Variants in ZFHX3 observed in about 807,000 individuals in gnomAD.
ZFHX3 encodes zinc finger homeobox 3, also known as zinc finger homeobox protein 3.
Under a neutral mutation model 279.1 loss-of-function variants are expected in ZFHX3, and 42 were observed. The observed-to-expected ratio is 0.15, with a 90% CI of 0.12 to 0.19. ZFHX3 has a LOEUF of 0.19. ZFHX3 is among the 10% of genes least tolerant of loss of function. The pLI is 1.00. For missense variants in ZFHX3, 4,981 were observed against 4,754.0 expected (o/e 1.05, Z -1.40); for synonymous variants, 2,293 against 1,957.8 (o/e 1.17, Z -4.52).
At chr16:73,103,483 G>A (rs1383961464) in intron 7 of ZFHX3, among the ~76,000 whole-genome samples, 1 of 152,122 alleles carries the variant, frequency 6.6e-6, no homozygotes, top group Non-Finnish European at 1.5e-5. Context: ...TGCTTGGCGA[G>A]AATTAATTAC....
intron 3 of ZFHX3, among the ~76,000 whole-genome samples, chr16:73,332,801 C>T (rs1441135722): frequency 6.6e-6 from 1 of 152,162 alleles, no homozygotes; most frequent in Non-Finnish European, 1.5e-5. Context: ...GAACGTACTC[C>T]ATGCAACAAG....
chr16:73,838,530 A>G lies in ZFHX3; in HGVS notation c.-1608+53121T>C, dbSNP rs569399081. On this transcript the variant is annotated intron_variant, in intron 1 of 17. Coordinates refer to the ZFHX3 transcript ENST00000641206. Reference sequence around the variant, plus strand: ...TTCAATGAATACTAATATAGCTTCCAGATAGCCAAAAAACATAAGTTTGAA... The same window carrying G: ...TTCAATGAATACTAATATAGCTTCCGGATAGCCAAAAAACATAAGTTTGAA... Among the ~76,000 whole-genome samples the G allele has an allele frequency of 1.7e-4, 26 of 152,322 alleles. No homozygotes were observed. The East Asian group carries it at 4.1e-3, about 24-fold the overall frequency.
chr16:72,909,503 A>AT, intron 3 of ZFHX3, among the ~76,000 whole-genome samples: 1 of 152,150 alleles, frequency 6.6e-6, no homozygotes. Context: ...TAAAGGGAAC[A>AT]TATACATTAT....
chr16:73,431,668 T>G (rs1416058906), intron 3 of ZFHX3, among the ~76,000 whole-genome samples: 1 of 152,260 alleles, frequency 6.6e-6, no homozygotes, highest in African/African-American at 2.4e-5. Flanking sequence ...AATAATGATG[T>G]AATGAATATC....
intron 4 of ZFHX3, among the ~76,000 whole-genome samples, chr16:73,317,018 A>C (rs1038450233): frequency 5.3e-5 from 8 of 152,148 alleles, no homozygotes; most frequent in Non-Finnish European, 1.0e-4. Flanking sequence ...GAGACTAGCC[A>C]GGCCTCTTTT....
intron 4 of ZFHX3, among the ~76,000 whole-genome samples, chr16:73,269,997 C>G (rs1334474018): frequency 1.3e-5 from 2 of 152,136 alleles, no homozygotes; most frequent in African/African-American, 4.8e-5. Context: ...ATCCACTCAC[C>G]TCGGGCTTCC....
At chr16:73,659,639 G>A (rs1376661298) in intron 2 of ZFHX3, among the ~76,000 whole-genome samples, 2 of 152,012 alleles carry the variant, frequency 1.3e-5, no homozygotes, top group Non-Finnish European at 2.9e-5. Flanking sequence ...TAGTTAACTG[G>A]ATACACAAAT....
At chr16:72,948,553 C>T (rs779986622) in intron 3 of ZFHX3, among the ~76,000 whole-genome samples, 4 of 152,176 alleles carry the variant, frequency 2.6e-5, no homozygotes, top group Non-Finnish European at 4.4e-5. Context: ...CCGCCGAGTT[C>T]CAGGCCCGTA....
chr16:73,852,477 G>A (rs1961615814), intron 1 of ZFHX3, among the ~76,000 whole-genome samples: 1 of 152,240 alleles, frequency 6.6e-6, no homozygotes, highest in Non-Finnish European at 1.5e-5. Flanking sequence ...ACATGAATGG[G>A]TAGGTTATAT....
At chr16:73,317,406 C>G (rs1375980053) in intron 4 of ZFHX3, among the ~76,000 whole-genome samples, 1 of 152,174 alleles carries the variant, frequency 6.6e-6, no homozygotes, top group Non-Finnish European at 1.5e-5. Context: ...GCCCTTCCCC[C>G]ACTCTAAGTT....
intron 2 of ZFHX3, among the ~76,000 whole-genome samples, chr16:73,474,439 G>A (rs938503473): frequency 6.6e-6 from 1 of 152,150 alleles, no homozygotes; most frequent in Admixed American, 6.5e-5. Flanking sequence ...ATGAGCCACC[G>A]CACCCAGCCT....
intron 5 of ZFHX3, among the ~76,000 whole-genome samples, chr16:72,828,158 G>T (rs1215466554): frequency 6.6e-6 from 1 of 152,132 alleles, no homozygotes. Context: ...GAACAGTCAT[G>T]CCTGGAAAAG....
At chr16:73,844,055 A>T (rs1961382991) in intron 1 of ZFHX3, among the ~76,000 whole-genome samples, 1 of 152,240 alleles carries the variant, frequency 6.6e-6, no homozygotes, top group Non-Finnish European at 1.5e-5. Context: ...TGTAACCCAG[A>T]AACCCTTCAG....
intron 4 of ZFHX3, among the ~76,000 whole-genome samples, chr16:72,861,182 C>A (rs903290279): frequency 3.3e-5 from 5 of 152,248 alleles, no homozygotes; most frequent in Non-Finnish European, 7.3e-5. Context: ...CCTACAGCCA[C>A]TGGGCTGTCT....
chr16:72,890,546 C>T (rs1340998725), intron 3 of ZFHX3, among the ~76,000 whole-genome samples: 10 of 149,472 alleles, frequency 6.7e-5, no homozygotes, highest in Admixed American at 4.0e-4. Flanking sequence ...TCTAGCAGTT[C>T]TTTGAAAAAA....
intron 7 of ZFHX3, among the ~76,000 whole-genome samples, chr16:73,110,533 T>C (rs1966360290): frequency 6.6e-6 from 1 of 152,188 alleles, no homozygotes; most frequent in South Asian, 2.1e-4. Context: ...AAAATTTCCA[T>C]ACACTCTTTA....
At chr16:73,273,350 GAA>G (rs2014204201) in intron 4 of ZFHX3, among the ~76,000 whole-genome samples, 1 of 152,118 alleles carries the variant, frequency 6.6e-6, no homozygotes, top group Admixed American at 6.5e-5. Flanking sequence ...TGTTGGATAT[GAA>G]AATAAAAAGC....
At chr16:73,848,752 C>A (rs1961515573) in intron 1 of ZFHX3, among the ~76,000 whole-genome samples, 2 of 152,206 alleles carry the variant, frequency 1.3e-5, no homozygotes, top group African/African-American at 4.8e-5. Context: ...GGTGACGGAA[C>A]TTAGTACATC....
At chr16:72,849,046 A>C (rs189941969) in intron 4 of ZFHX3, among the ~76,000 whole-genome samples, 2 of 151,856 alleles carry the variant, frequency 1.3e-5, no homozygotes, top group African/African-American at 4.8e-5. Context: ...CGTCTAGCAA[A>C]ATTTTTCTTC....
Sources: gnomAD v4.1 joint callset for allele counts (sites outside exome capture counted in the v4.1 genomes callset) on GRCh38, gnomAD v4.1.1 for gene constraint, MANE v1.5 for transcripts, NCBI Gene and HGNC (gene_info 2026-07-23, HGNC 2026-07-21) for gene names.